The following SCAF1 variants were observed in gnomAD, a reference collection of about 807,000 sequenced individuals.
The protein encoded by SCAF1 is splicing factor, arginine/serine-rich 19.
In SCAF1, 28 loss-of-function variants were observed where a neutral mutation model predicts 91.2. That is an observed-to-expected ratio of 0.31 (90% confidence interval 0.23 to 0.42). The LOEUF (loss-of-function observed/expected upper bound fraction) is 0.42, where lower values mean the gene tolerates loss of function less well. SCAF1 is among the 10% of genes least tolerant of loss of function. SCAF1 has a pLI of 1.00. For missense variants in SCAF1, 1,893 were observed against 1,872.1 expected, an observed-to-expected ratio of 1.01 and a Z score of -0.21; for synonymous variants, 1,036 against 833.7, an observed-to-expected ratio of 1.24 and a Z score of -4.18.
At chr19:49,641,864 G>T (rs530061278), upstream of SCAF1, among the ~76,000 whole-genome samples, 10 of 152,338 alleles carry the variant, frequency 6.6e-5, no homozygotes, top group African/African-American at 2.4e-4. Context: ...CGTCTGTTCT[G>T]CCTGGCGCCT....
Position 49,651,134 on chromosome 19 carries a change from G to A in SCAF1, c.745G>A (p.Asp249Asn). The A allele has an allele frequency of 1.2e-6, 2 of 1,611,634 alleles. No individual in the cohort carries two copies. The highest frequency in any genetic ancestry group is 1.1e-5 in the South Asian group (1 of 90,900). ...SPPPAPEQKY[D>N]PFEPTGSNPS... ...ACCGCCTGCTCCGGAGCAAAAGTAC[G>A]ACCCTTTTGAGCCCACCGGCTCCAA... is the stretch of plus-strand genomic sequence containing the variant. Residue 249 changes from aspartate (D) to asparagine (N), a missense_variant, in exon 7 of 11, where the codon GAC (aspartate) becomes AAC (asparagine). This residue lies in a region of SCAF1 where 80 missense variants were observed against 116.6 expected (regional missense o/e 0.69). Transcript: ENST00000360565.
At position 49,652,196 on chromosome 19, in the gene SCAF1, C is replaced by T. The variant is rs1005911582; in HGVS notation, c.1807C>T (p.Arg603Trp). Residue 603 changes from arginine to tryptophan, a missense_variant, in exon 7 of 11, where the codon CGG (arginine) becomes TGG (tryptophan). This residue lies in a region of SCAF1 where 1,436 missense variants were observed against 1,306.8 expected (regional missense o/e 1.10). Coordinates refer to ENST00000360565, the MANE Select transcript of SCAF1 (RefSeq NM_021228.3). ...RRGGSRRSRSREKRRRRRRSA... is the reference protein window; with the variant it reads ...RRGGSRRSRSWEKRRRRRRSA... ...CGGGGGCAGCCGCAGGTCGCGGTCC[C>T]GGGAGAAGCGGCGACGGCGGCGGCG... The T allele has an allele frequency of 9.3e-6, 12 of 1,289,418 alleles. No individual in the cohort carries two copies. The East Asian group carries it at 1.7e-4, about 18-fold the overall frequency. 79.9% of individuals were successfully genotyped at this position (1,289,418 alleles called of 1,614,324 possible).
chr19:49,658,145 C>T, intron 10 of SCAF1, 63 bp from the exon 11 acceptor site: 2 of 1,528,864 alleles, frequency 1.3e-6, no homozygotes, highest in South Asian at 2.4e-5. Context: ...CTGCGCCCAA[C>T]AGTCCTGGGT....
Position 49,649,657 on chromosome 19 carries a change from G to A in SCAF1, c.479-1211G>A, listed in dbSNP as rs570329454. Among the ~76,000 whole-genome samples, 112 of 152,180 alleles carry A rather than the reference G, an allele frequency of 7.4e-4. 1 individual carries two copies. The highest frequency in any genetic ancestry group is 2.3e-3 in the African/African-American group (97 of 41,498). On this transcript the variant is annotated intron_variant, in intron 6 of 10. Coordinates refer to ENST00000360565, the MANE Select transcript of SCAF1 (RefSeq NM_021228.3). ...ATTACAGGCATGTGCCACCACACCC[G>A]GCTAATTTGGTATTTTTAGTAGAGA... is the stretch of plus-strand genomic sequence containing the variant.
chr19:49,651,784 G>C lies in SCAF1; in HGVS notation c.1395G>C (p.Glu465Asp). ...GCGCCCTGCAGGTGGACCTAGGGGAGCCGGCTCCCGCGCCGCCCGCCGCCG... is the reference window on the plus strand; with the variant it reads ...GCGCCCTGCAGGTGGACCTAGGGGACCCGGCTCCCGCGCCGCCCGCCGCCG... ...GEGALQVDLG[E>D]PAPAPPAADS... The change falls in exon 7 of 11, where the codon GAG (glutamate) becomes GAC (aspartate). Residue 465 changes from glutamate (E) to aspartate (D), a missense_variant. This residue lies in a region of SCAF1 where 1,436 missense variants were observed against 1,306.8 expected (regional missense o/e 1.10). Coordinates refer to ENST00000360565, the MANE Select transcript of SCAF1 (RefSeq NM_021228.3). The C allele has an allele frequency of 7.7e-7, 1 of 1,290,952 alleles. No individual in the cohort carries two copies. The highest frequency in any genetic ancestry group is 9.8e-7 in the Non-Finnish European group (1 of 1,021,636). The allele number at this position is 1,290,952 out of a possible 1,614,324, so 80.0% of individuals were successfully genotyped here. A position where few individuals can be genotyped will look rare whatever the true frequency, so the allele number is the denominator to read the frequency against.
In SCAF1 at chr19:49,651,488, G is replaced by T; in HGVS notation, c.1099G>T (p.Val367Phe). 2 of 1,579,990 alleles carry T rather than the reference G, an allele frequency of 1.3e-6. No homozygotes were observed. The highest frequency in any genetic ancestry group is 8.6e-7 in the Non-Finnish European group (1 of 1,165,134). ...TEAEACREGK[V>F]SVEVVTAGGA... ...GGCAGAGGCTTGTCGGGAAGGCAAGGTCTCGGTGGAGGTGGTGACCGCTGG... is the reference window on the plus strand; with the variant it reads ...GGCAGAGGCTTGTCGGGAAGGCAAGTTCTCGGTGGAGGTGGTGACCGCTGG... The change falls in exon 7 of 11, where the codon GTC (valine) becomes TTC (phenylalanine). Residue 367 changes from valine to phenylalanine, a missense_variant. Val to Phe is a conservative substitution (Grantham distance 50, BLOSUM62 -1). Around this residue, in one of 5 missense-constraint regions of SCAF1, gnomAD observed 1,436 missense variants for 1,306.8 expected, o/e 1.10. Coordinates refer to ENST00000360565, the MANE Select transcript of SCAF1 (RefSeq NM_021228.3).
Position 49,652,658 on chromosome 19 carries a change from G to GCCT in SCAF1, c.2283_2285dup (p.Ser763dup). On this transcript the variant is annotated inframe_insertion, in exon 7 of 11. Coordinates refer to ENST00000360565, the MANE Select transcript of SCAF1 (RefSeq NM_021228.3). ...GAAGGATCGGCGCCGCTCGGGGGCC[G>GCCT]CCTCCTCCTCCTCCTCTTCCCGGGA... 5.1e-6 allele frequency: 8 copies of GCCT among 1,560,756 alleles called. No individual in the cohort carries two copies. The highest frequency in any genetic ancestry group is 1.2e-5 in the South Asian group (1 of 85,414).
chr19:49,658,240 A>G lies in SCAF1; in HGVS notation c.3780A>G (p.Pro1260=), dbSNP rs748593728. 5 of 1,613,502 alleles carry G rather than the reference A, an allele frequency of 3.1e-6. No homozygotes were observed. The highest frequency in any genetic ancestry group is 4.2e-6 in the Non-Finnish European group (5 of 1,179,862). Residue 1260 remains proline, a synonymous_variant, in exon 11 of 11, where the codon CCA becomes CCG. Coordinates refer to ENST00000360565, the MANE Select transcript of SCAF1 (RefSeq NM_021228.3). ...ICHSKSGEIN[P]VKVSNLVRAY... ...ACAGCAAAAGTGGGGAAATCAACCC[A>G]GTGAAGGTGAGCAACCTGGTGCGGG...
chr19:49,651,859 G>C lies in SCAF1; in HGVS notation c.1470G>C (p.Arg490=). 3 of 1,244,564 alleles carry C rather than the reference G, an allele frequency of 2.4e-6. No individual in the cohort carries two copies. Among genetic ancestry groups the C allele is most frequent in the Non-Finnish European group, 3.0e-6 (3 of 993,818 alleles). The allele number at this position is 1,244,564 out of a possible 1,614,324, so 77.1% of individuals were successfully genotyped here. A position where few individuals can be genotyped will look rare whatever the true frequency, so the allele number is the denominator to read the frequency against. The stretch of plus-strand genomic sequence containing the variant: ...TGCGCCGCAAGATCCTGACCCAACG[G>C]CGGGAGCGCTACCGCCAGCGCTCGC... ...LDLRRKILTQ[R]RERYRQRSPS... The change falls in exon 7 of 11, where the codon CGG becomes CGC. Residue 490 remains arginine (R), a synonymous_variant. Transcript: ENST00000360565.
chr19:49,648,351 A>G (rs2081066665), intron 6 of SCAF1, among the ~76,000 whole-genome samples: 1 of 151,936 alleles, frequency 6.6e-6, no homozygotes. Context: ...ACCTGAAGTG[A>G]TCCGCCTGCC....
Position 49,651,027 on chromosome 19 carries a change from C to A in SCAF1, c.638C>A (p.Pro213Gln). 1 of 726,536 alleles carries A rather than the reference C, an allele frequency of 1.4e-6. No homozygotes were observed. The highest frequency in any genetic ancestry group is 3.1e-5 in the East Asian group (1 of 32,382). 45.0% of individuals were successfully genotyped at this position (726,536 alleles called of 1,614,324 possible). A position where few individuals can be genotyped will look rare whatever the true frequency, so the allele number is the denominator to read the frequency against. Residue 213 changes from proline (P) to glutamine (Q), a missense_variant, in exon 7 of 11, where the codon CCG (proline) becomes CAG (glutamine). Pro to Gln is a moderately conservative substitution (Grantham distance 76, BLOSUM62 -1). This residue lies in a region of SCAF1 where 270 missense variants were observed against 292.5 expected (regional missense o/e 0.92). Coordinates refer to ENST00000360565, the MANE Select transcript of SCAF1 (RefSeq NM_021228.3). ...SSSPSPPPPP[P>Q]PPAPPAPPAP... ...TCCCCTTCCCCTCCCCCACCCCCAC[C>A]GCCCCCTGCACCCCCAGCCCCACCT...
Position 49,657,934 on chromosome 19 carries a change from G to A in SCAF1, c.3747+45G>A, listed in dbSNP as rs564069915. ...GGCAGACACAGGCCGGGGAGAGAACGAGCTGGAGGGACAGATGTGTGCAGA... is the reference window on the plus strand; with the variant it reads ...GGCAGACACAGGCCGGGGAGAGAACAAGCTGGAGGGACAGATGTGTGCAGA... On this transcript the variant is annotated intron_variant, in intron 10 of 10. Transcript: ENST00000360565. 8.1e-6 allele frequency: 13 copies of A among 1,595,122 alleles called. No homozygotes were observed. The African/African-American group carries it at 9.4e-5, about 11-fold the overall frequency.
intron 1 of SCAF1, among the ~76,000 whole-genome samples, chr19:49,643,203 C>T (rs1442872609): frequency 6.6e-6 from 1 of 152,170 alleles, no homozygotes; most frequent in African/African-American, 2.4e-5. Flanking sequence ...CTACATTAGT[C>T]TGGAAGAGTC....
chr19:49,644,870 G>T (rs1227833322), intron 1 of SCAF1, 151 bp from the exon 2 acceptor site: 1 of 613,100 alleles, frequency 1.6e-6, no homozygotes. Flanking sequence ...CCCAAGCACA[G>T]GGTGGAGTGG....
chr19:49,640,768 A>G (rs777855630), upstream of SCAF1, among the ~76,000 whole-genome samples: 114 of 152,274 alleles, frequency 7.5e-4, no homozygotes, highest in Non-Finnish European at 1.3e-3. Context: ...CAGCAGGGTA[A>G]CGGGGCAGGG....
chr19:49,655,616 T>C (rs1458690189), intron 9 of SCAF1, among the ~76,000 whole-genome samples: 7 of 152,146 alleles, frequency 4.6e-5, no homozygotes, highest in Non-Finnish European at 1.0e-4. Flanking sequence ...TCTGCCAGCC[T>C]CGGCCTCCCA....
At chr19:49,648,567 C>A (rs1599822572) in intron 6 of SCAF1, among the ~76,000 whole-genome samples, 1 of 150,866 alleles carries the variant, frequency 6.6e-6, no homozygotes, top group Admixed American at 6.6e-5. Context: ...CACACCCCCC[C>A]CCCTTTTTTT....
chr19:49,652,154 A>C lies in SCAF1; in HGVS notation c.1765A>C (p.Ser589Arg). 9.2e-7 allele frequency: 1 copy of C among 1,088,502 alleles called. No homozygotes were observed. The allele number at this position is 1,088,502 out of a possible 1,614,324, so 67.4% of individuals were successfully genotyped here. Residue 589 changes from serine (S) to arginine (R), a missense_variant, in exon 7 of 11, where the codon AGC (serine) becomes CGC (arginine). Around this residue, in one of 5 missense-constraint regions of SCAF1, gnomAD observed 1,436 missense variants for 1,306.8 expected, o/e 1.10. Transcript: ENST00000360565. Reference sequence around the variant, plus strand: ...CCGCTCCACCCGCCGCCGCTCGCGCAGCACCGACCGCCGCCGCGGGGGCAG... The same window carrying C: ...CCGCTCCACCCGCCGCCGCTCGCGCCGCACCGACCGCCGCCGCGGGGGCAG... The part of the protein sequence containing the change: ...RSRSTRRRSR[S>R]TDRRRGGSRR...
intron 6 of SCAF1, among the ~76,000 whole-genome samples, chr19:49,648,588 G>A (rs1038242997): frequency 1.4e-5 from 2 of 147,518 alleles, no homozygotes. Context: ...TTAACAGCTG[G>A]AAATGATTTA....
Sources: gnomAD v4.1 joint callset for allele counts (sites outside exome capture counted in the v4.1 genomes callset) on GRCh38, gnomAD v4.1.1 for gene constraint, gnomAD v4.1.1 regional missense constraint, MANE v1.5 for transcripts, NCBI Gene and HGNC (gene_info 2026-07-23, HGNC 2026-07-21) for gene names.